ATF7IP: variants seen among roughly 807,000 people sequenced by gnomAD.
ATF7IP encodes the protein activating transcription factor 7 interacting protein.
A neutral mutation model predicts 106.4 loss-of-function variants in ATF7IP; 23 were observed. The observed-to-expected ratio is 0.22, with a 90% confidence interval of 0.16 to 0.31. The LOEUF (loss-of-function observed/expected upper bound fraction) is 0.31. Among genes scored for constraint, ATF7IP ranks in the 10% least tolerant of loss-of-function variants. ATF7IP has a pLI of 1.00. For synonymous variants in ATF7IP, 542 were observed against 539.0 expected (o/e 1.01, Z -0.08); for missense variants, 1,334 against 1,524.3 (o/e 0.88, Z 2.08).
chr12:14,420,908 A>T (rs139992388), intron 1 of ATF7IP, among the ~76,000 whole-genome samples: 1 of 152,158 alleles, frequency 6.6e-6, no homozygotes, highest in Non-Finnish European at 1.5e-5. Context: ...CCTACTGGTG[A>T]TGGTAATGGT....
intron 1 of ATF7IP, among the ~76,000 whole-genome samples, chr12:14,414,747 G>A (rs1419518147): frequency 2.0e-5 from 3 of 152,136 alleles, no homozygotes; most frequent in Non-Finnish European, 4.4e-5. Flanking sequence ...CTAGTAAAAG[G>A]TGACTGACAC....
At chr12:14,373,460 T>G (rs1938610758) in intron 1 of ATF7IP, among the ~76,000 whole-genome samples, 1 of 152,214 alleles carries the variant, frequency 6.6e-6, no homozygotes, top group South Asian at 2.1e-4. Context: ...GAGTGCATAT[T>G]CTTTCTTTTG....
At chr12:14,451,066 T>G (rs1943183956) in intron 6 of ATF7IP, among the ~76,000 whole-genome samples, 1 of 152,072 alleles carries the variant, frequency 6.6e-6, no homozygotes, top group African/African-American at 2.4e-5. Context: ...CTATTACTGA[T>G]TAAGTCTCCT....
At chr12:14,464,558 T>C (rs1943757281) in intron 9 of ATF7IP, among the ~76,000 whole-genome samples, 1 of 152,232 alleles carries the variant, frequency 6.6e-6, no homozygotes, top group Admixed American at 6.5e-5. Context: ...TTTTAAGCTA[T>C]AATTTCTTAT....
intron 7 of ATF7IP, 86 bp from the exon 8 acceptor site, chr12:14,457,121 T>A: frequency 8.6e-7 from 1 of 1,156,638 alleles, no homozygotes; most frequent in Non-Finnish European, 1.3e-6. Flanking sequence ...CTTTTTCCCC[T>A]GTGGGCCACT....
chr12:14,425,500 A>T, intron 2 of ATF7IP, 27 bp downstream of exon 2: 1 of 1,491,062 alleles, frequency 6.7e-7, no homozygotes, highest in Non-Finnish European at 8.9e-7. Flanking sequence ...AATGTTAAAG[A>T]TTTTTTATTG....
Position 14,456,577 on chromosome 12 carries a change from C to T in ATF7IP, c.2012C>T (p.Pro671Leu). 6.2e-7 allele frequency: 1 copy of T among 1,612,014 alleles called. No homozygotes were observed. Among genetic ancestry groups the T allele is most frequent in the South Asian group, 1.1e-5 (1 of 91,026 alleles). The change falls in exon 7 of 15, where the codon CCA becomes CTA. Residue 671 changes from proline (P) to leucine (L), a missense_variant. Transcript: ENST00000261168. ...KKRHEHPPNP[P>L]VSPGKTVNDV... Reference sequence around the variant, plus strand: ...CTCCCCCAGCATCCACCCAACCCACCAGTATCACCAGGAAAAACTGTAAAT... The same window carrying T: ...CTCCCCCAGCATCCACCCAACCCACTAGTATCACCAGGAAAAACTGTAAAT...
chr12:14,457,664 T>C (rs1294875373), intron 8 of ATF7IP, among the ~76,000 whole-genome samples: 2 of 152,198 alleles, frequency 1.3e-5, no homozygotes, highest in African/African-American at 4.8e-5. Flanking sequence ...TCTAGATCCC[T>C]TTACAATCTT....
At chr12:14,479,311 A>G (rs1355113034) in intron 12 of ATF7IP, among the ~76,000 whole-genome samples, 1 of 152,198 alleles carries the variant, frequency 6.6e-6, no homozygotes, top group African/African-American at 2.4e-5. Context: ...GTCTAACACT[A>G]CCACCAGGAA....
At chr12:14,494,769 C>G (rs113600529) in intron 13 of ATF7IP, among the ~76,000 whole-genome samples, 1 of 151,142 alleles carries the variant, frequency 6.6e-6, no homozygotes, top group African/African-American at 2.4e-5. Flanking sequence ...CTCATCCCTA[C>G]CAAAAATACA....
At chr12:14,423,574 CTTTTTTTTTT>C in intron 1 of ATF7IP, among the ~76,000 whole-genome samples, 8 of 34,428 alleles carry the variant, frequency 2.3e-4, no homozygotes, top group African/African-American at 1.2e-3. Flanking sequence ...TCTTCAGGTA[CTTTTTTTTTT>C]TTTTTTTTTT....
intron 13 of ATF7IP, among the ~76,000 whole-genome samples, chr12:14,494,626 T>C (rs1259959866): frequency 6.7e-6 from 1 of 149,772 alleles, no homozygotes; most frequent in Non-Finnish European, 1.5e-5. Context: ...AGTATTAATT[T>C]ACATAATCAG....
chr12:14,497,704 A>T lies in ATF7IP; in HGVS notation c.3444A>T (p.Pro1148=). Residue 1148 remains proline, a synonymous_variant, in exon 15 of 15, where the codon CCA becomes CCT. Transcript: ENST00000261168. ...HPAPLPEAPQ[P]QRLPPEAAST... ...CACCCTTACCAGAAGCTCCACAACCACAGCGTCTGCCCCCAGAAGCTGCCA... is the reference window on the plus strand; with the variant it reads ...CACCCTTACCAGAAGCTCCACAACCTCAGCGTCTGCCCCCAGAAGCTGCCA... 1 of 1,614,146 alleles carries T rather than the reference A, an allele frequency of 6.2e-7. No individual in the cohort carries two copies.
At chr12:14,462,513 T>C (rs1334959790) in intron 9 of ATF7IP, among the ~76,000 whole-genome samples, 1 of 152,068 alleles carries the variant, frequency 6.6e-6, no homozygotes, top group African/African-American at 2.4e-5. Context: ...AGATGAGATA[T>C]ATTCTTAAAT....
At chr12:14,449,436 A>T (rs1184742762) in intron 6 of ATF7IP, among the ~76,000 whole-genome samples, 1 of 152,044 alleles carries the variant, frequency 6.6e-6, no homozygotes, top group African/African-American at 2.4e-5. Context: ...TTTGTTGAAG[A>T]TCATTTGACC....
At position 14,406,825 on chromosome 12, in the gene ATF7IP, A is replaced by G. The variant is rs576159311; in HGVS notation, c.-7-17084A>G. ...CCCAGGCTGGTCTTGAACTCCTGAC[A>G]TTGTGATCCACCCACCTCAGCCTCC... On this transcript the variant is annotated intron_variant, in intron 1 of 14. Transcript: ENST00000261168. 4.0e-5 allele frequency among the ~76,000 whole-genome samples: 6 copies of G among 151,692 alleles called. No homozygotes were observed. The South Asian group carries it at 6.3e-4, about 16-fold the overall frequency.
At chr12:14,430,149 G>A (rs976464633) in intron 2 of ATF7IP, among the ~76,000 whole-genome samples, 7 of 152,200 alleles carry the variant, frequency 4.6e-5, no homozygotes, top group African/African-American at 1.7e-4. Context: ...AGCCCCTGAG[G>A]TAGGAAGAAA....
At chr12:14,405,403 C>CTTTTT (rs145211652) in intron 1 of ATF7IP, among the ~76,000 whole-genome samples, 15 of 83,568 alleles carry the variant, frequency 1.8e-4, no homozygotes, top group Middle Eastern at 9.1e-3. Flanking sequence ...TTTCTTTCAT[C>CTTTTT]TTTTTTTTTT....
At chr12:14,379,989 T>G (rs1938932405) in intron 1 of ATF7IP, among the ~76,000 whole-genome samples, 1 of 151,498 alleles carries the variant, frequency 6.6e-6, no homozygotes, top group Non-Finnish European at 1.5e-5. Context: ...GGTGATGTAT[T>G]TGTGTGTGTG....
Sources: gnomAD v4.1 joint callset for allele counts (sites outside exome capture counted in the v4.1 genomes callset) on GRCh38, gnomAD v4.1.1 for gene constraint, MANE v1.5 for transcripts, NCBI Gene and HGNC (gene_info 2026-07-23, HGNC 2026-07-21) for gene names.